Variants in STARD13 observed in about 807,000 individuals in gnomAD.
The protein encoded by STARD13 is stAR-related lipid transfer protein 13.
In STARD13, 62 loss-of-function variants were observed where a neutral mutation model predicts 106.4. The observed-to-expected ratio is 0.58, with a 90% confidence interval of 0.48 to 0.72. The LOEUF (loss-of-function observed/expected upper bound fraction) is 0.72, where lower values mean the gene tolerates loss of function less well. Ranked by LOEUF, STARD13 falls within the 30% of genes least tolerant of loss-of-function variation. The pLI is 0.00. For synonymous variants in STARD13, 565 were observed against 553.0 expected (o/e 1.02, Z -0.31); for missense variants, 1,387 against 1,424.0 (o/e 0.97, Z 0.42).
At chr13:33,351,113 T>G (rs2078075080), upstream of STARD13, among the ~76,000 whole-genome samples, 1 of 152,224 alleles carries the variant, frequency 6.6e-6, no homozygotes, top group Admixed American at 6.5e-5. Context: ...ATTTCTTCAA[T>G]GAAATAATTA....
upstream of STARD13, among the ~76,000 whole-genome samples, chr13:33,351,732 A>C (rs2078080842): frequency 6.6e-6 from 1 of 152,240 alleles, no homozygotes; most frequent in South Asian, 2.1e-4. Context: ...CTTTGTACCA[A>C]GCTGCCACAT....
the STARD13 span, among the ~76,000 whole-genome samples, chr13:33,372,696 G>A: frequency 2.0e-5 from 3 of 151,828 alleles, no homozygotes; most frequent in Non-Finnish European, 4.4e-5. Context: ...ATGATAGTTT[G>A]TGGTAGAAAG....
At chr13:33,185,880 C>CG in intron 1 of STARD13, 1 of 1,614,062 alleles carries the variant, frequency 6.2e-7, no homozygotes, top group Non-Finnish European at 8.5e-7. Context: ...GCACTTACCC[C>CG]GGCGCTGGAA....
chr13:33,380,467 C>A, the STARD13 span, among the ~76,000 whole-genome samples: 723 of 97,224 alleles, frequency 7.4e-3, 7 homozygotes, highest in East Asian at 0.026. Flanking sequence ...ACACACACAC[C>A]CCCACCCCCC....
At chr13:33,484,927 A>G in the STARD13 span, among the ~76,000 whole-genome samples, 7 of 152,232 alleles carry the variant, frequency 4.6e-5, no homozygotes, top group African/African-American at 9.6e-5. Flanking sequence ...ATTTCAAAAT[A>G]TCAATTTAAG....
chr13:33,380,105 G>A, the STARD13 span, among the ~76,000 whole-genome samples: 2 of 152,150 alleles, frequency 1.3e-5, no homozygotes, highest in African/African-American at 2.4e-5. Context: ...AAATGTGGAG[G>A]CCAGGCGCGG....
the STARD13 span, among the ~76,000 whole-genome samples, chr13:33,631,102 G>T: frequency 6.6e-6 from 1 of 152,188 alleles, no homozygotes; most frequent in South Asian, 2.1e-4. Flanking sequence ...GCTCTGTCCA[G>T]CCCTGGAAAG....
At chr13:33,341,061 T>C (rs937836901) in intron 1 of STARD13, among the ~76,000 whole-genome samples, 3 of 152,224 alleles carry the variant, frequency 2.0e-5, no homozygotes, top group African/African-American at 4.8e-5. Flanking sequence ...TCAAGGACTC[T>C]GAAAAAAGCC....
chr13:33,419,707 G>A, the STARD13 span, among the ~76,000 whole-genome samples: 1 of 152,220 alleles, frequency 6.6e-6, no homozygotes, highest in Non-Finnish European at 1.5e-5. Flanking sequence ...CAGCCAGAGA[G>A]AAAGGTCGGG....
At chr13:33,120,899 C>T (rs181106538) in intron 7 of STARD13, among the ~76,000 whole-genome samples, 73 of 152,208 alleles carry the variant, frequency 4.8e-4, no homozygotes, top group African/African-American at 1.7e-3. Flanking sequence ...GCCACCACTT[C>T]CAGCTACTTT....
At chr13:33,509,753 G>A in the STARD13 span, among the ~76,000 whole-genome samples, 1 of 152,188 alleles carries the variant, frequency 6.6e-6, no homozygotes, top group Non-Finnish European at 1.5e-5. Flanking sequence ...CTGTGGCATT[G>A]CCAGTGAAAT....
chr13:33,551,296 AACT>A, the STARD13 span, among the ~76,000 whole-genome samples: 3 of 152,178 alleles, frequency 2.0e-5, no homozygotes, highest in African/African-American at 7.2e-5. Flanking sequence ...ACATTAAGTA[AACT>A]GTGTGTTGTG....
intron 1 of STARD13, among the ~76,000 whole-genome samples, chr13:33,187,295 A>AT (rs937109269): frequency 5.3e-4 from 81 of 152,202 alleles, no homozygotes; most frequent in Non-Finnish European, 9.1e-4. Context: ...CCCACTTTTG[A>AT]TTTTTTTGAG....
chr13:33,607,995 A>G, the STARD13 span, among the ~76,000 whole-genome samples: 1 of 152,148 alleles, frequency 6.6e-6, no homozygotes, highest in Non-Finnish European at 1.5e-5. Flanking sequence ...TGGCAGCCTC[A>G]AACTCCTGGG....
chr13:33,325,868 C>A (rs531060917), intron 1 of STARD13, among the ~76,000 whole-genome samples: 1 of 151,966 alleles, frequency 6.6e-6, no homozygotes, highest in South Asian at 2.1e-4. Context: ...GCCTGTAGTC[C>A]CAGCTACTTG....
intron 4 of STARD13, among the ~76,000 whole-genome samples, chr13:33,139,691 G>A (rs9568893): frequency 6.6e-6 from 1 of 152,084 alleles, no homozygotes; most frequent in Non-Finnish European, 1.5e-5. Flanking sequence ...CGGGGTGCTC[G>A]ATTCTCAAGT....
the STARD13 span, among the ~76,000 whole-genome samples, chr13:33,604,790 CT>C: frequency 1.4e-5 from 2 of 148,130 alleles, no homozygotes; most frequent in Non-Finnish European, 3.0e-5. Flanking sequence ...CAGAGCAAGA[CT>C]TTGTCTTTAA....
chr13:33,528,271 T>TATATATAC, the STARD13 span, among the ~76,000 whole-genome samples: 1 of 127,248 alleles, frequency 7.9e-6, no homozygotes, highest in African/African-American at 3.3e-5. Context: ...TATATATATA[T>TATATATAC]ATACTCTTTT....
At chr13:33,140,194 A>G (rs745947572) in intron 4 of STARD13, among the ~76,000 whole-genome samples, 7 of 152,246 alleles carry the variant, frequency 4.6e-5, no homozygotes, top group Non-Finnish European at 8.8e-5. Flanking sequence ...TGACAGGGTA[A>G]AAATCCAATC....
Sources: allele counts gnomAD v4.1 joint callset (sites outside exome capture counted in the v4.1 genomes callset), GRCh38; gene constraint gnomAD v4.1.1; transcripts MANE v1.5; gene names NCBI Gene and HGNC (gene_info 2026-07-23, HGNC 2026-07-21).